ATOX1: variants seen among roughly 807,000 people sequenced by gnomAD.
The protein encoded by ATOX1 is copper transport protein ATOX1.
Under a neutral mutation model 7.3 loss-of-function variants are expected in ATOX1, and 4 were observed. The ratio of observed to expected loss-of-function variants is 0.55; its 90% CI spans 0.27 to 1.25. The LOEUF (loss-of-function observed/expected upper bound fraction) is 1.25, where lower values mean the gene tolerates loss of function less well. ATOX1 is among the 50% of genes most tolerant of loss of function. The pLI, the probability that ATOX1 is intolerant of heterozygous loss-of-function variation, is 0.12. For missense variants in ATOX1, 68 were observed against 81.6 expected (o/e 0.83, Z 0.64); for synonymous variants, 25 against 28.7 (o/e 0.87, Z 0.41).
At chr5:151,756,452 C>G in intron 1 of ATOX1, among the ~76,000 whole-genome samples, 1 of 149,646 alleles carries the variant, frequency 6.7e-6, no homozygotes, top group Admixed American at 6.7e-5. Context: ...TCTTTTCTTT[C>G]TCTCTCCTTC....
intron 1 of ATOX1, among the ~76,000 whole-genome samples, chr5:151,754,998 AAAAG>A (rs1561523087): frequency 1.3e-5 from 2 of 151,732 alleles, no homozygotes; most frequent in African/African-American, 2.4e-5. Context: ...AAAAAAAAAA[AAAAG>A]AAACACAAAA....
At chr5:151,746,660 T>A in intron 2 of ATOX1, 1 of 520,008 alleles carries the variant, frequency 1.9e-6, no homozygotes, top group Admixed American at 3.3e-5. Context: ...TTCTGTGTAT[T>A]TTTTTTATAA....
At chr5:151,750,992 C>T (rs918959687) in intron 2 of ATOX1, among the ~76,000 whole-genome samples, 12 of 151,856 alleles carry the variant, frequency 7.9e-5, no homozygotes, top group African/African-American at 2.4e-4. Context: ...TAGGGTGGCT[C>T]GCGCCTGTAA....
chr5:151,758,608 T>G lies in ATOX1; in HGVS notation c.-57A>C. On this transcript the variant is annotated 5_prime_UTR_variant, in exon 1 of 4. Transcript: ENST00000313115. ...GGCGGCGGTGTCAGCAGCGCCTCTCTGGATTCGGAGGGCGGGTTCGGCTGC... is the reference window on the plus strand; with the variant it reads ...GGCGGCGGTGTCAGCAGCGCCTCTCGGGATTCGGAGGGCGGGTTCGGCTGC... 1 of 1,372,854 alleles carries G rather than the reference T, an allele frequency of 7.3e-7. No individual in the cohort carries two copies. The highest frequency in any genetic ancestry group is 9.5e-7 in the Non-Finnish European group (1 of 1,054,650). The allele number at this position is 1,372,854 out of a possible 1,614,324, so 85.0% of individuals were successfully genotyped here.
At chr5:151,750,572 G>T (rs1324103746) in intron 2 of ATOX1, among the ~76,000 whole-genome samples, 1 of 136,506 alleles carries the variant, frequency 7.3e-6, no homozygotes, top group Non-Finnish European at 1.6e-5. Flanking sequence ...TTTTTTTTTT[G>T]AAGTAAAGAA....
At chr5:151,745,462 T>C (rs1252388770) in intron 3 of ATOX1, 1 of 152,220 alleles carries the variant, frequency 6.6e-6, no homozygotes, top group Non-Finnish European at 1.5e-5. Flanking sequence ...ACATGGGCAG[T>C]GGCAGCCAGG....
intron 1 of ATOX1, 66 bp downstream of exon 1, chr5:151,758,480 G>C: frequency 6.8e-6 from 10 of 1,462,052 alleles, no homozygotes; most frequent in Non-Finnish European, 9.1e-6. Flanking sequence ...CCGGTCAAGC[G>C]GCTGTGCAGC....
intron 3 of ATOX1, chr5:151,744,763 C>T (rs1482521946): frequency 6.6e-6 from 1 of 152,182 alleles, no homozygotes; most frequent in Non-Finnish European, 1.5e-5. Context: ...CACTCACCCT[C>T]CCTACAAAAC....
chr5:151,758,526 G>A lies in ATOX1; in HGVS notation c.6+20C>T, dbSNP rs768736639. 8.1e-6 allele frequency: 12 copies of A among 1,474,022 alleles called. No homozygotes were observed. In the South Asian group the frequency reaches 1.6e-4, roughly 20 times the overall value. The allele number at this position is 1,474,022 out of a possible 1,614,324, so 91.3% of individuals were successfully genotyped here. A position where few individuals can be genotyped will look rare whatever the true frequency, so the allele number is the denominator to read the frequency against. The stretch of plus-strand genomic sequence containing the variant: ...CCCGGGACTGCAAGTCTGCGTGGCG[G>A]GGACGGCGCAACCACTCACCGGCAT... On this transcript the variant is annotated intron_variant, in intron 1 of 3. Coordinates refer to ENST00000313115, the MANE Select transcript of ATOX1 (RefSeq NM_004045.4).
At chr5:151,743,988 C>T (rs540362743) in intron 3 of ATOX1, 1 of 152,284 alleles carries the variant, frequency 6.6e-6, no homozygotes, top group African/African-American at 2.4e-5. Flanking sequence ...GAATGATTTA[C>T]AACACATGCT....
intron 2 of ATOX1, among the ~76,000 whole-genome samples, chr5:151,751,243 C>T (rs902042720): frequency 3.8e-5 from 5 of 129,902 alleles, no homozygotes; most frequent in Admixed American, 3.6e-4. Context: ...GCAAGAAGAG[C>T]GAAACTCTGT....
intron 3 of ATOX1, chr5:151,745,186 T>C (rs1761866144): frequency 6.6e-6 from 1 of 152,158 alleles, no homozygotes; most frequent in Non-Finnish European, 1.5e-5. Flanking sequence ...GGAAGGAGGC[T>C]ATCCTCAAAG....
rs1436851744 is a variant in ATOX1, at chr5:151,758,614, C to A, written c.-63G>T. ...GGTGTCAGCAGCGCCTCTCTGGATT[C>A]GGAGGGCGGGTTCGGCTGCGCTTCC... is the stretch of plus-strand genomic sequence containing the variant. On this transcript the variant is annotated 5_prime_UTR_variant, in exon 1 of 4. Transcript: ENST00000313115. 3 of 1,361,942 alleles carry A rather than the reference C, an allele frequency of 2.2e-6. No individual in the cohort carries two copies. Among genetic ancestry groups the A allele is most frequent in the African/African-American group, 1.5e-5 (1 of 66,132 alleles). The allele number at this position is 1,361,942 out of a possible 1,614,324, so 84.4% of individuals were successfully genotyped here. A position where few individuals can be genotyped will look rare whatever the true frequency, so the allele number is the denominator to read the frequency against.
rs556268683 is a variant in ATOX1, at chr5:151,752,879, G to A, written c.7-1100C>T. The stretch of plus-strand genomic sequence containing the variant: ...GTACGGTTAGCCAGCATCCAAGATG[G>A]CCTCAATGATCTCTGCCTCTGGTAT... On this transcript the variant is annotated intron_variant, in intron 1 of 3. Transcript: ENST00000313115. 2.0e-5 allele frequency among the ~76,000 whole-genome samples: 3 copies of A among 152,150 alleles called. No homozygotes were observed. The East Asian group carries it at 5.8e-4, about 29-fold the overall frequency.
intron 2 of ATOX1, among the ~76,000 whole-genome samples, chr5:151,747,711 C>A (rs560882317): frequency 3.5e-4 from 54 of 152,264 alleles, no homozygotes; most frequent in African/African-American, 1.2e-3. Context: ...CAGCCAGCCT[C>A]CCGAGTGGCT....
In ATOX1 at chr5:151,751,709, A is replaced by C; in HGVS notation, c.77T>G (p.Leu26Arg). ...ACTCAGGGCCACTCACTCACCTCCAAGCTTATTGAGGACCCGAGAGACAGC... is the reference window on the plus strand; with the variant it reads ...ACTCAGGGCCACTCACTCACCTCCACGCTTATTGAGGACCCGAGAGACAGC... ...AEAVSRVLNKLGGVKYDIDLP... is the reference protein window; with the variant it reads ...AEAVSRVLNKRGGVKYDIDLP... Residue 26 changes from leucine to arginine, a missense_variant, in exon 2 of 4, where the codon CTT becomes CGT. By Grantham distance (102) the Leu-to-Arg change is moderately radical. Coordinates refer to ENST00000313115, the MANE Select transcript of ATOX1 (RefSeq NM_004045.4). 6.2e-7 allele frequency: 1 copy of C among 1,605,702 alleles called. No homozygotes were observed. Among genetic ancestry groups the C allele is most frequent in the Non-Finnish European group, 8.5e-7 (1 of 1,176,312 alleles).
At chr5:151,751,954 G>T (rs1005990057) in intron 1 of ATOX1, 175 bp from the exon 2 acceptor site, 13 of 620,948 alleles carry the variant, frequency 2.1e-5, no homozygotes, top group Non-Finnish European at 3.7e-5. Context: ...CTATAGAGTA[G>T]CTAAGAGTTT....
chr5:151,746,552 C>A, intron 2 of ATOX1, 103 bp from the exon 3 acceptor site: 1 of 1,493,944 alleles, frequency 6.7e-7, no homozygotes, highest in Non-Finnish European at 9.1e-7. Context: ...ACCACCCTTG[C>A]CCTTTCCTCT....
chr5:151,758,208 G>C (rs1762039113), intron 1 of ATOX1, among the ~76,000 whole-genome samples: 1 of 152,250 alleles, frequency 6.6e-6, no homozygotes, highest in Non-Finnish European at 1.5e-5. Context: ...AAGGCTCAGG[G>C]ACTAGGCGTC....
Sources: allele counts gnomAD v4.1 joint callset (sites outside exome capture counted in the v4.1 genomes callset), GRCh38; gene constraint gnomAD v4.1.1; transcripts MANE v1.5; gene names NCBI Gene and HGNC (gene_info 2026-07-23, HGNC 2026-07-21).